Variants in FANCE observed in about 807,000 individuals in gnomAD.
The protein encoded by FANCE is Fanconi anemia group E protein.
In FANCE, 42 loss-of-function variants were observed where a neutral mutation model predicts 57.8. The observed-to-expected ratio is 0.73, with a 90% confidence interval of 0.57 to 0.94. The LOEUF is 0.94. FANCE is among the 40% of genes least tolerant of loss of function. FANCE has a pLI of 0.00. For missense variants in FANCE, 608 were observed against 661.8 expected (o/e 0.92, Z 0.89); for synonymous variants, 251 against 286.4 (o/e 0.88, Z 1.25).
rs4713868 is a variant in FANCE, at chr6:35,456,491, A to G, written c.855+138A>G. ...AGGAAGAAGGAGGAAGGTAGGGTTG[A>G]GGGAATGTAGCCTCCACTCTACAGA... On this transcript the variant is annotated intron_variant, in intron 2 of 9. Coordinates refer to ENST00000229769, the MANE Select transcript of FANCE (RefSeq NM_021922.3). The surrounding 1 kb of genome is among the most constrained non-coding windows in gnomAD (Gnocchi z 4.3). 0.7 allele frequency: 804,919 copies of G among 1,147,420 alleles called. 284,082 individuals carry two copies. Among genetic ancestry groups the G allele is most frequent in the African/African-American group, 0.87 (57,323 of 66,096 alleles). The allele number at this position is 1,147,420 out of a possible 1,614,324, so 71.1% of individuals were successfully genotyped here. A position where few individuals can be genotyped will look rare whatever the true frequency, so the allele number is the denominator to read the frequency against.
In FANCE at chr6:35,462,809, G is replaced by T. The variant is rs762649597; in HGVS notation, c.1404G>T (p.Lys468Asn). 1.2e-6 allele frequency: 2 copies of T among 1,614,196 alleles called. No homozygotes were observed. Among genetic ancestry groups the T allele is most frequent in the Non-Finnish European group, 1.7e-6 (2 of 1,180,006 alleles). The change falls in exon 9 of 10, where the codon AAG (lysine) becomes AAT (asparagine). Residue 468 changes from lysine (K) to asparagine (N), a missense_variant. Lys to Asn is a moderately conservative substitution (Grantham distance 94). Transcript: ENST00000229769. Reference sequence around the variant, plus strand: ...TGCAGGTGGAGATGACCCCTGAGAAGTTCAGTGTCTTAATGGAGAAGCTCT... The same window carrying T: ...TGCAGGTGGAGATGACCCCTGAGAATTTCAGTGTCTTAATGGAGAAGCTCT... ...LERQVEMTPE[K>N]FSVLMEKLCK...
chr6:35,459,233 T>C (rs1767487010), intron 5 of FANCE, 98 bp from the exon 6 acceptor site: 2 of 1,518,980 alleles, frequency 1.3e-6, no homozygotes, highest in East Asian at 2.2e-5. Flanking sequence ...GTTTTTTTTT[T>C]CCTTTGTAAC....
chr6:35,466,231 T>C lies in FANCE; in HGVS notation c.1510-13T>C, dbSNP rs1419312806. On this transcript the variant is annotated splice_polypyrimidine_tract_variant and intron_variant, in intron 9 of 9. Transcript: ENST00000229769. The stretch of plus-strand genomic sequence containing the variant: ...GTTGCTGGAGTCCTGACATGATTTT[T>C]CCTTCTCCCCAGATCACTGAGACCC... The C allele has an allele frequency of 6.4e-7, 1 of 1,569,122 alleles. No homozygotes were observed. The highest frequency in any genetic ancestry group is 8.8e-7 in the Non-Finnish European group (1 of 1,139,044).
intron 5 of FANCE, 117 bp from the exon 6 acceptor site, chr6:35,459,214 A>T: frequency 7.2e-7 from 1 of 1,386,812 alleles, no homozygotes; most frequent in South Asian, 1.2e-5. Context: ...TTCTAAATAA[A>T]AGAACTTGGT....
Position 35,455,928 on chromosome 6 carries a change from T to G in FANCE, c.430T>G (p.Leu144Val), listed in dbSNP as rs1377892215. 1.2e-6 allele frequency: 2 copies of G among 1,613,948 alleles called. No individual in the cohort carries two copies. Among genetic ancestry groups the G allele is most frequent in the Non-Finnish European group, 8.5e-7 (1 of 1,179,986 alleles). The change falls in exon 2 of 10, where the codon TTG becomes GTG. Residue 144 changes from leucine (L) to valine (V), a missense_variant. By Grantham distance (32) the Leu-to-Val change is conservative (BLOSUM62 1). Coordinates refer to ENST00000229769, the MANE Select transcript of FANCE (RefSeq NM_021922.3). ...RALGELLRRD[L>V]GVGTSMEGAS... The stretch of plus-strand genomic sequence containing the variant: ...CCTGGGGGAATTGCTGCGAAGGGAT[T>G]TGGGGGTGGGGACCTCCATGGAGGG...
At chr6:35,465,082 C>G (rs1394761901) in intron 9 of FANCE, among the ~76,000 whole-genome samples, 1 of 151,888 alleles carries the variant, frequency 6.6e-6, no homozygotes, top group Non-Finnish European at 1.5e-5. Flanking sequence ...AATTGAGACT[C>G]ACACAGGTTA....
At position 35,452,761 on chromosome 6, in the gene FANCE, G is replaced by T. The variant is rs886061328; in HGVS notation, c.216G>T (p.Pro72=). The T allele has an allele frequency of 4.7e-6, 6 of 1,280,570 alleles. No homozygotes were observed. The highest frequency in any genetic ancestry group is 5.9e-6 in the Non-Finnish European group (6 of 1,010,312). The allele number at this position is 1,280,570 out of a possible 1,614,324, so 79.3% of individuals were successfully genotyped here. A position where few individuals can be genotyped will look rare whatever the true frequency, so the allele number is the denominator to read the frequency against. The change falls in exon 1 of 10, where the codon CCG becomes CCT. Residue 72 remains proline, a synonymous_variant. Coordinates refer to ENST00000229769, the MANE Select transcript of FANCE (RefSeq NM_021922.3). ...TCGAGGCCCTGTGCCGGGAGGAGCC[G>T]GTCGTGCAGGGGCCTGACGGCCGTC... ...RLLEALCREE[P]VVQGPDGRLE...
intron 9 of FANCE, among the ~76,000 whole-genome samples, chr6:35,464,231 CTTCT>C (rs1286102811): frequency 8.0e-5 from 9 of 111,870 alleles, no homozygotes; most frequent in Admixed American, 3.4e-4. Context: ...GAGACAGGGT[CTTCT>C]TTTTTTTTTT....
rs2150889900 is a variant in FANCE at position 35,455,784 on chromosome 6, A to G, written c.286A>G (p.Arg96Gly). 3 of 1,614,198 alleles carry G rather than the reference A, an allele frequency of 1.9e-6. No homozygotes were observed. Among genetic ancestry groups the G allele is most frequent in the Non-Finnish European group, 2.5e-6 (3 of 1,180,040 alleles). ...LLLRLPRICQ[R>G]NLMSLLMAVR... ...GCTGCGATTGCCCCGGATATGCCAG[A>G]GGAACCTGATGTCCCTGCTGATGGC... is the stretch of plus-strand genomic sequence containing the variant. Residue 96 changes from arginine to glycine, a missense_variant, in exon 2 of 10, where the codon AGG becomes GGG. Transcript: ENST00000229769.
intron 3 of FANCE, 117 bp downstream of exon 3, chr6:35,457,717 G>C: frequency 8.1e-7 from 1 of 1,241,910 alleles, no homozygotes; most frequent in South Asian, 1.2e-5. Flanking sequence ...AGGGGGACTG[G>C]AGTAAAGGTC....
Position 35,456,480 on chromosome 6 carries a change from A to G in FANCE, c.855+127A>G. 7.9e-7 allele frequency: 1 copy of G among 1,265,452 alleles called. No individual in the cohort carries two copies. Among genetic ancestry groups the G allele is most frequent in the Non-Finnish European group, 1.1e-6 (1 of 870,118 alleles). The allele number at this position is 1,265,452 out of a possible 1,614,324, so 78.4% of individuals were successfully genotyped here. ...GTAGTTCCTGGAGGAAGAAGGAGGA[A>G]GGTAGGGTTGAGGGAATGTAGCCTC... On this transcript the variant is annotated intron_variant, in intron 2 of 9. Coordinates refer to ENST00000229769, the MANE Select transcript of FANCE (RefSeq NM_021922.3). This position sits in a 1 kb window ranked among gnomAD's most constrained non-coding sequence, Gnocchi z 4.3.
At chr6:35,455,371 G>C (rs1045219921) in intron 1 of FANCE, among the ~76,000 whole-genome samples, 1 of 151,566 alleles carries the variant, frequency 6.6e-6, no homozygotes, top group Admixed American at 6.6e-5. Context: ...GCAGTGGCAT[G>C]ATCTCGGCTC....
chr6:35,458,118 G>A, intron 4 of FANCE, 134 bp downstream of exon 4: 1 of 1,198,510 alleles, frequency 8.3e-7, no homozygotes, highest in Non-Finnish European at 1.2e-6. Context: ...CAGCGATAGG[G>A]GTCACCCTGT....
rs145549434 is a variant in FANCE, at chr6:35,458,328, C to A, written c.1001C>A (p.Pro334His). The change falls in exon 5 of 10, where the codon CCT becomes CAT. Residue 334 changes from proline to histidine, a missense_variant. By Grantham distance (77) the Pro-to-His change is moderately conservative. Coordinates refer to ENST00000229769, the MANE Select transcript of FANCE (RefSeq NM_021922.3). ...TTGCTGTGTGCCCAGCTGCAGCTCC[C>A]TCAGCTCTCAGACCTCGGTCTCCTG... ...MDLLCAQLQLPQLSDLGLLRL... is the reference protein window; with the variant it reads ...MDLLCAQLQLHQLSDLGLLRL... 6.2e-7 allele frequency: 1 copy of A among 1,614,142 alleles called. No individual in the cohort carries two copies. The highest frequency in any genetic ancestry group is 8.5e-7 in the Non-Finnish European group (1 of 1,180,032).
At chr6:35,453,551 G>A (rs1244960064) in intron 1 of FANCE, among the ~76,000 whole-genome samples, 2 of 152,156 alleles carry the variant, frequency 1.3e-5, no homozygotes, top group African/African-American at 4.8e-5. Context: ...AAATGAGTGG[G>A]TGAGGTGCCA....
At chr6:35,457,637 C>T in intron 3 of FANCE, 37 bp downstream of exon 3, 1 of 1,609,818 alleles carries the variant, frequency 6.2e-7, no homozygotes, top group Non-Finnish European at 8.5e-7. Context: ...AGCCTTTCTT[C>T]CATCTTCTAC....
At position 35,458,277 on chromosome 6, in the gene FANCE, C is replaced by A. The variant is rs765193137; in HGVS notation, c.970-20C>A. ...AGTGCATGTCCCGGTGTCCTCTCTC[C>A]CCCCGCACTCTGTAAGCAGATGGAC... On this transcript the variant is annotated intron_variant, in intron 4 of 9. Transcript: ENST00000229769. 1.9e-6 allele frequency: 3 copies of A among 1,612,818 alleles called. No homozygotes were observed. In the South Asian group the frequency reaches 3.3e-5, roughly 18 times the overall value.
At position 35,466,730 on chromosome 6, in the gene FANCE, A is replaced by C. The variant is rs976540722; in HGVS notation, c.*385A>C. The C allele has an allele frequency of 2.7e-6, 1 of 364,256 alleles. No homozygotes were observed. Among genetic ancestry groups the C allele is most frequent in the Non-Finnish European group, 5.1e-6 (1 of 194,424 alleles). The allele number at this position is 364,256 out of a possible 1,614,324, so 22.6% of individuals were successfully genotyped here. On this transcript the variant is annotated 3_prime_UTR_variant, in exon 10 of 10. Coordinates refer to ENST00000229769, the MANE Select transcript of FANCE (RefSeq NM_021922.3). ...CATGCACATGACACTATGCCCAGCT[A>C]ATTTTTTATTTTGTAGATAATATGC...
rs1561797043 is a variant in FANCE, at chr6:35,466,530, C to T, written c.*185C>T. 1 of 632,282 alleles carries T rather than the reference C, an allele frequency of 1.6e-6. No homozygotes were observed. 39.2% of individuals were successfully genotyped at this position (632,282 alleles called of 1,614,324 possible). A position where few individuals can be genotyped will look rare whatever the true frequency, so the allele number is the denominator to read the frequency against. ...ATTGGCTTCCCAGCCAGCAGGGAGG[C>T]TCCTGGGCTAAGGGAGCTCAGCTAT... On this transcript the variant is annotated 3_prime_UTR_variant, in exon 10 of 10. Coordinates refer to ENST00000229769, the MANE Select transcript of FANCE (RefSeq NM_021922.3).
Sources: allele counts gnomAD v4.1 joint callset (sites outside exome capture counted in the v4.1 genomes callset), GRCh38; gene constraint gnomAD v4.1.1; non-coding constraint Gnocchi (gnomAD v3.1); transcripts MANE v1.5; gene names NCBI Gene and HGNC (gene_info 2026-07-23, HGNC 2026-07-21).